TSNARE1: variants seen among roughly 807,000 people sequenced by gnomAD.
TSNARE1 encodes t-SNARE domain containing 1, also known as t-SNARE domain-containing protein 1.
Under a neutral mutation model 62.0 loss-of-function variants are expected in TSNARE1, and 49 were observed. The ratio of observed to expected loss-of-function variants is 0.79; its 90% CI spans 0.63 to 1.00. The LOEUF is 1.00. Ranked by LOEUF, TSNARE1 falls within the 50% of genes least tolerant of loss-of-function variation. The pLI is 0.00. For synonymous variants in TSNARE1, 328 were observed against 294.4 expected (o/e 1.11, Z -1.17); for missense variants, 755 against 700.1 (o/e 1.08, Z -0.88).
intron 6 of TSNARE1, among the ~76,000 whole-genome samples, chr8:142,325,165 G>A (rs537509645): frequency 1.3e-5 from 2 of 152,370 alleles, no homozygotes; most frequent in East Asian, 3.9e-4. Flanking sequence ...AGCGGGCCTG[G>A]AAGTGAGGCC....
chr8:142,324,937 C>A (rs1450476046), intron 6 of TSNARE1, among the ~76,000 whole-genome samples: 1 of 152,250 alleles, frequency 6.6e-6, no homozygotes, highest in African/African-American at 2.4e-5. Context: ...TGTGGCTGGG[C>A]TGGTTTGATT....
chr8:142,268,746 C>T (rs1336152093), intron 12 of TSNARE1, among the ~76,000 whole-genome samples: 3 of 152,184 alleles, frequency 2.0e-5, no homozygotes, highest in African/African-American at 7.2e-5. Context: ...CCATTCCTTC[C>T]CTACACCCTG....
At position 142,319,021 on chromosome 8, in the gene TSNARE1, A is replaced by C. The variant is rs371174805; in HGVS notation, c.894-387T>G. 2.0e-5 allele frequency among the ~76,000 whole-genome samples: 3 copies of C among 150,656 alleles called. No homozygotes were observed. Among genetic ancestry groups the C allele is most frequent in the Admixed American group, 2.0e-4 (3 of 15,170 alleles). The stretch of plus-strand genomic sequence containing the variant: ...AGAGACGGGGGAGACGGGCAGACAC[A>C]CAGCAAGAGGCAGTGGGGGCAGAAA... On this transcript the variant is annotated intron_variant, in intron 6 of 13. Coordinates refer to ENST00000524325, the MANE Select transcript of TSNARE1 (RefSeq NM_145003.5). This position sits in a 1 kb window ranked among gnomAD's most constrained non-coding sequence, Gnocchi z 4.9.
intron 12 of TSNARE1, among the ~76,000 whole-genome samples, chr8:142,252,294 G>A (rs1228595020): frequency 6.6e-5 from 10 of 152,196 alleles, no homozygotes; most frequent in African/African-American, 1.9e-4. Flanking sequence ...CATGGGTTGC[G>A]GGTGGGAGGA....
At chr8:142,321,917 C>T (rs977197461) in intron 6 of TSNARE1, among the ~76,000 whole-genome samples, 5 of 152,108 alleles carry the variant, frequency 3.3e-5, no homozygotes, top group Admixed American at 2.6e-4. Flanking sequence ...GCTCACACCA[C>T]CCTGATAACA....
At chr8:142,338,804 T>C (rs1832133627) in intron 4 of TSNARE1, among the ~76,000 whole-genome samples, 1 of 152,134 alleles carries the variant, frequency 6.6e-6, no homozygotes, top group African/African-American at 2.4e-5. Context: ...GCTAACCCCG[T>C]CCCACGGCTG....
chr8:142,380,150 C>T lies in TSNARE1; in HGVS notation c.-40+22954G>A, dbSNP rs565615549. ...GGCGTACCACGTCACCAGGCACTGT[C>T]CTAAGCACTGAACTCATTCCCACCT... On this transcript the variant is annotated intron_variant, in intron 1 of 13. Transcript: ENST00000524325. Among the ~76,000 whole-genome samples, 72 of 152,338 alleles carry T rather than the reference C, an allele frequency of 4.7e-4. No homozygotes were observed. In the South Asian group the frequency reaches 0.015, roughly 32 times the overall value.
intron 10 of TSNARE1, among the ~76,000 whole-genome samples, chr8:142,289,628 C>A (rs1224066401): frequency 6.6e-6 from 1 of 152,168 alleles, no homozygotes; most frequent in African/African-American, 2.4e-5. Flanking sequence ...GCACTAGAGG[C>A]CCCAGATGCA....
chr8:142,399,112 A>G (rs947758337), intron 1 of TSNARE1, among the ~76,000 whole-genome samples: 15 of 152,208 alleles, frequency 9.9e-5, no homozygotes, highest in African/African-American at 3.6e-4. Context: ...CCCCGCCCAT[A>G]AGGCATCTTC....
intron 1 of TSNARE1, among the ~76,000 whole-genome samples, chr8:142,366,484 T>C (rs1487695976): frequency 6.6e-6 from 1 of 152,142 alleles, no homozygotes; most frequent in Non-Finnish European, 1.5e-5. Flanking sequence ...CAAGGCTAGC[T>C]CAACACGAGG....
chr8:142,250,010 G>A (rs753185715), intron 12 of TSNARE1, among the ~76,000 whole-genome samples: 2 of 152,128 alleles, frequency 1.3e-5, no homozygotes, highest in Non-Finnish European at 2.9e-5. Context: ...GAGCTCTGCC[G>A]CAAACCTGCT....
chr8:142,367,652 A>G (rs1191073838), intron 1 of TSNARE1, among the ~76,000 whole-genome samples: 3 of 152,256 alleles, frequency 2.0e-5, no homozygotes, highest in African/African-American at 7.2e-5. Flanking sequence ...TCACTTAATT[A>G]TACACTTCAA....
rs1484314473 is a variant in TSNARE1, at chr8:142,251,868, G to A, written c.1447-22289C>T. Reference sequence around the variant, plus strand: ...CCCGGGCACCATGTACCCGCCGCCCGCATTCTCTGTCTTCAGGGCCCGGGC... The same window carrying A: ...CCCGGGCACCATGTACCCGCCGCCCACATTCTCTGTCTTCAGGGCCCGGGC... On this transcript the variant is annotated intron_variant, in intron 12 of 13. Transcript: ENST00000524325. 1.2e-4 allele frequency among the ~76,000 whole-genome samples: 16 copies of A among 128,800 alleles called. 1 individual carries two copies. Among genetic ancestry groups the A allele is most frequent in the Admixed American group, 3.9e-4 (5 of 12,806 alleles). The allele number at this position is 128,800 out of a possible 152,430, so 84.5% of individuals were successfully genotyped here. A position where few individuals can be genotyped will look rare whatever the true frequency, so the allele number is the denominator to read the frequency against.
chr8:142,338,570 C>T (rs567558801), intron 4 of TSNARE1, among the ~76,000 whole-genome samples: 1 of 149,710 alleles, frequency 6.7e-6, no homozygotes, highest in East Asian at 2.0e-4. Context: ...CAGGCTGCCT[C>T]GACCACTGGG....
intron 13 of TSNARE1, among the ~76,000 whole-genome samples, chr8:142,226,767 G>A (rs1586782344): frequency 6.6e-6 from 1 of 152,100 alleles, no homozygotes; most frequent in South Asian, 2.1e-4. Context: ...CCGGCATAAG[G>A]AAGCAGCAGG....
At chr8:142,397,353 G>A (rs927996862) in intron 1 of TSNARE1, among the ~76,000 whole-genome samples, 2 of 152,170 alleles carry the variant, frequency 1.3e-5, no homozygotes, top group African/African-American at 4.8e-5. Context: ...ACACCCCTCA[G>A]GTGATGTCCC....
At chr8:142,258,730 C>A (rs1258738741) in intron 12 of TSNARE1, among the ~76,000 whole-genome samples, 2 of 152,110 alleles carry the variant, frequency 1.3e-5, no homozygotes, top group African/African-American at 4.8e-5. Context: ...CATGTTGGGC[C>A]AGGCTGGTCT....
intron 9 of TSNARE1, among the ~76,000 whole-genome samples, chr8:142,302,354 G>A (rs1483349450): frequency 1.3e-5 from 2 of 152,176 alleles, no homozygotes; most frequent in Non-Finnish European, 2.9e-5. Context: ...CCCAGTAGGT[G>A]TCACCACGTC....
intron 11 of TSNARE1, among the ~76,000 whole-genome samples, chr8:142,281,626 T>C (rs1821479457): frequency 6.6e-6 from 1 of 151,636 alleles, no homozygotes; most frequent in Non-Finnish European, 1.5e-5. Context: ...AGGGTCAGGG[T>C]TAAGGGGACC....
Sources: allele counts gnomAD v4.1 joint callset (sites outside exome capture counted in the v4.1 genomes callset), GRCh38; gene constraint gnomAD v4.1.1; non-coding constraint Gnocchi (gnomAD v3.1); transcripts MANE v1.5; gene names NCBI Gene and HGNC (gene_info 2026-07-23, HGNC 2026-07-21).